AGBL4: variants seen among roughly 807,000 people sequenced by gnomAD.
AGBL4 encodes the protein cytosolic carboxypeptidase 6.
In AGBL4, 58 loss-of-function variants were observed where a neutral mutation model predicts 66.4. The observed-to-expected ratio is 0.87, with a 90% CI of 0.71 to 1.09. The LOEUF (loss-of-function observed/expected upper bound fraction) is 1.09, where lower values mean the gene tolerates loss of function less well. Among genes scored for constraint, AGBL4 ranks in the 50% least tolerant of loss-of-function variants. The pLI is 0.00. For missense variants in AGBL4, 579 were observed against 631.0 expected, an observed-to-expected ratio of 0.92 and a Z score of 0.88; for synonymous variants, 234 against 222.9, an observed-to-expected ratio of 1.05 and a Z score of -0.44.
chr1:48,830,861 A>G (rs540493444), intron 6 of AGBL4, among the ~76,000 whole-genome samples: 1 of 152,204 alleles, frequency 6.6e-6, no homozygotes, highest in Non-Finnish European at 1.5e-5. Context: ...AAGTTCATTC[A>G]TCTAACAAAT....
rs375116095 is a variant in AGBL4 at position 49,121,670 on chromosome 1, C to T, written c.378-75870G>A. On this transcript the variant is annotated intron_variant, in intron 4 of 13. Transcript: ENST00000371839. ...GTTAGGCTACACAGGAGTCAGGGAC[C>T]CACTTGAGGAGGCAGTCTGTCCATT... is the stretch of plus-strand genomic sequence containing the variant. Among the ~76,000 whole-genome samples the T allele has an allele frequency of 3.3e-4, 50 of 152,310 alleles. 1 individual carries two copies. The South Asian group carries it at 9.5e-3, about 29-fold the overall frequency.
chr1:48,603,771 T>A (rs1029149360), intron 9 of AGBL4, among the ~76,000 whole-genome samples: 4 of 151,944 alleles, frequency 2.6e-5, no homozygotes, highest in African/African-American at 9.7e-5. Flanking sequence ...ATAATCCAAG[T>A]GAGAACTAAT....
intron 4 of AGBL4, among the ~76,000 whole-genome samples, chr1:49,110,534 A>G (rs1645385584): frequency 6.6e-6 from 1 of 152,128 alleles, no homozygotes; most frequent in African/African-American, 2.4e-5. Flanking sequence ...AAACATGCCT[A>G]TGTCTTTCTA....
chr1:49,942,912 T>G (rs1344250931), intron 1 of AGBL4, among the ~76,000 whole-genome samples: 1 of 152,092 alleles, frequency 6.6e-6, no homozygotes, highest in Non-Finnish European at 1.5e-5. Flanking sequence ...ATATATCTGA[T>G]AAGAGGTTAA....
intron 5 of AGBL4, among the ~76,000 whole-genome samples, chr1:49,010,977 C>A (rs568108189): frequency 0.068 from 10,284 of 152,100 alleles, 308 homozygotes; most frequent in Non-Finnish European, 0.099. Flanking sequence ...TGGGCAAGGA[C>A]TTCCTGTCTA....
intron 4 of AGBL4, among the ~76,000 whole-genome samples, chr1:49,226,260 G>A (rs1649900743): frequency 6.6e-6 from 1 of 152,154 alleles, no homozygotes. Flanking sequence ...AAAAATAAGT[G>A]TGTGCACAAT....
At position 49,027,241 on chromosome 1, in the gene AGBL4, A is replaced by G. The variant is rs528066274; in HGVS notation, c.594+18343T>C. On this transcript the variant is annotated intron_variant, in intron 5 of 13. Transcript: ENST00000371839. ...AATGGCGTGATCTCGGCTCACTACA[A>G]CCTCCGCCTCCCAGGTTCAAGCGAT... 3.3e-4 allele frequency among the ~76,000 whole-genome samples: 50 copies of G among 151,670 alleles called. 1 individual carries two copies. Among genetic ancestry groups the G allele is most frequent in the African/African-American group, 1.2e-3 (48 of 41,300 alleles).
chr1:49,547,775 CT>C (rs376829267), intron 3 of AGBL4, among the ~76,000 whole-genome samples: 303 of 142,356 alleles, frequency 2.1e-3, no homozygotes, highest in East Asian at 6.7e-3. Context: ...GGGGTTGAGT[CT>C]TTTTTTTTTT....
At chr1:48,634,363 G>T (rs953319236) in intron 9 of AGBL4, 130 bp downstream of exon 9, 2 of 664,852 alleles carry the variant, frequency 3.0e-6, no homozygotes, top group Admixed American at 4.9e-5. Context: ...AGAAGAGCAG[G>T]CCTAGTGCCT....
chr1:48,708,258 C>G (rs559684168), intron 6 of AGBL4, among the ~76,000 whole-genome samples: 33 of 152,284 alleles, frequency 2.2e-4, no homozygotes, highest in African/African-American at 1.9e-4. Flanking sequence ...AGGTGCCTCT[C>G]TGTGCATGGG....
intron 9 of AGBL4, among the ~76,000 whole-genome samples, chr1:48,608,000 C>T (rs1252756554): frequency 6.6e-6 from 1 of 152,174 alleles, no homozygotes; most frequent in Non-Finnish European, 1.5e-5. Flanking sequence ...TTCTAAGTGG[C>T]AGAACAGGAC....
At chr1:50,008,678 A>C (rs1286838248) in intron 1 of AGBL4, among the ~76,000 whole-genome samples, 2 of 151,960 alleles carry the variant, frequency 1.3e-5, no homozygotes, top group Middle Eastern at 3.2e-3. Flanking sequence ...AATATATGAA[A>C]TTGAACTGAA....
chr1:49,691,454 T>C (rs889837646), intron 3 of AGBL4: 6 of 157,346 alleles, frequency 3.8e-5, no homozygotes, highest in Non-Finnish European at 7.0e-5. Flanking sequence ...CTTGTGGATG[T>C]AGTGGAGATA....
chr1:49,148,660 C>T (rs1221961053), intron 4 of AGBL4, among the ~76,000 whole-genome samples: 2 of 152,186 alleles, frequency 1.3e-5, no homozygotes, highest in Non-Finnish European at 2.9e-5. Flanking sequence ...CTAGACGTGC[C>T]TAACTTGAAA....
At chr1:48,781,847 C>T (rs1344685519) in intron 6 of AGBL4, among the ~76,000 whole-genome samples, 2 of 152,226 alleles carry the variant, frequency 1.3e-5, no homozygotes, top group Non-Finnish European at 2.9e-5. Flanking sequence ...GCCCAAACAT[C>T]TTCATTTCCT....
intron 3 of AGBL4, among the ~76,000 whole-genome samples, chr1:49,438,552 G>C (rs2148665076): frequency 6.6e-6 from 1 of 152,194 alleles, no homozygotes. Context: ...GAAAACAAGA[G>C]GCCAATGGAC....
At chr1:49,966,272 C>G (rs944228335) in intron 1 of AGBL4, among the ~76,000 whole-genome samples, 3 of 151,992 alleles carry the variant, frequency 2.0e-5, no homozygotes, top group African/African-American at 7.2e-5. Flanking sequence ...TGTTGTATTT[C>G]TTTCCTTTTT....
At chr1:49,325,572 C>G (rs567851428) in intron 3 of AGBL4, among the ~76,000 whole-genome samples, 1 of 152,300 alleles carries the variant, frequency 6.6e-6, no homozygotes, top group East Asian at 1.9e-4. Context: ...CTTCCTGTGG[C>G]TCTGAGAATT....
chr1:49,105,089 T>G (rs1253196970), intron 4 of AGBL4, among the ~76,000 whole-genome samples: 2 of 152,204 alleles, frequency 1.3e-5, no homozygotes, highest in Non-Finnish European at 2.9e-5. Flanking sequence ...GCAGACATTA[T>G]GCATTTATTT....
Sources: allele counts gnomAD v4.1 joint callset (sites outside exome capture counted in the v4.1 genomes callset), GRCh38; gene constraint gnomAD v4.1.1; transcripts MANE v1.5; gene names NCBI Gene and HGNC (gene_info 2026-07-23, HGNC 2026-07-21).